The following DPP6 variants were observed in gnomAD, a reference collection of about 807,000 sequenced individuals.
The protein encoded by DPP6 is A-type potassium channel modulatory protein DPP6.
A neutral mutation model predicts 122.6 loss-of-function variants in DPP6; 69 were observed. The ratio of observed to expected loss-of-function variants is 0.56; its 90% confidence interval spans 0.46 to 0.69. The LOEUF is 0.69. Among genes scored for constraint, DPP6 ranks in the 30% least tolerant of loss-of-function variants. DPP6 has a pLI of 0.00. For missense variants in DPP6, 928 were observed against 1,116.9 expected (o/e 0.83, Z 2.41); for synonymous variants, 418 against 433.1 (o/e 0.97, Z 0.43).
At chr7:154,845,950 C>T (rs1189922056) in intron 16 of DPP6, among the ~76,000 whole-genome samples, 2 of 152,012 alleles carry the variant, frequency 1.3e-5, no homozygotes, top group African/African-American at 4.8e-5. Context: ...CATCCCTGCT[C>T]TGTTGGGACC....
chr7:154,661,058 T>C (rs1837637408), intron 6 of DPP6, among the ~76,000 whole-genome samples: 1 of 27,706 alleles, frequency 3.6e-5, no homozygotes, highest in Non-Finnish European at 6.6e-5. Flanking sequence ...CATGGCGTAT[T>C]GGCCGTAGTG....
At chr7:154,562,301 C>A (rs929616895) in intron 4 of DPP6, among the ~76,000 whole-genome samples, 1 of 152,000 alleles carries the variant, frequency 6.6e-6, no homozygotes, top group Non-Finnish European at 1.5e-5. Context: ...AGAAATCAAA[C>A]AATGTAATTT....
intron 17 of DPP6, among the ~76,000 whole-genome samples, chr7:154,866,091 C>A (rs189558357): frequency 2.0e-5 from 3 of 152,144 alleles, no homozygotes; most frequent in African/African-American, 7.2e-5. Flanking sequence ...GAGGAGGTAA[C>A]GCTTGCGTTG....
intron 2 of DPP6, among the ~76,000 whole-genome samples, chr7:154,464,899 A>T (rs1821653083): frequency 6.6e-6 from 1 of 152,236 alleles, no homozygotes; most frequent in Non-Finnish European, 1.5e-5. Context: ...GAAACCATGG[A>T]TAGTGCTGAA....
At chr7:154,139,858 C>T (rs1211421668) in intron 1 of DPP6, among the ~76,000 whole-genome samples, 2 of 152,180 alleles carry the variant, frequency 1.3e-5, no homozygotes, top group Non-Finnish European at 2.9e-5. Flanking sequence ...CAACACATGG[C>T]CCTTTATGCA....
intron 3 of DPP6, among the ~76,000 whole-genome samples, chr7:154,507,970 C>T (rs941371987): frequency 1.3e-5 from 2 of 152,158 alleles, no homozygotes; most frequent in African/African-American, 2.4e-5. Flanking sequence ...CTCTCTCCCC[C>T]ATTCAACTTA....
At chr7:153,944,150 G>C (rs187042631) in intron 1 of DPP6, among the ~76,000 whole-genome samples, 1 of 152,160 alleles carries the variant, frequency 6.6e-6, no homozygotes, top group African/African-American at 2.4e-5. Flanking sequence ...CACGAGCCTC[G>C]TTAGCACGCT....
At chr7:154,528,531 G>A (rs1185214301) in intron 3 of DPP6, among the ~76,000 whole-genome samples, 1 of 152,130 alleles carries the variant, frequency 6.6e-6, no homozygotes, top group Non-Finnish European at 1.5e-5. Flanking sequence ...TTAGACTTAT[G>A]ATAGTATTAA....
chr7:153,847,286 T>G, the DPP6 span, among the ~76,000 whole-genome samples: 1 of 152,216 alleles, frequency 6.6e-6, no homozygotes, highest in Non-Finnish European at 1.5e-5. Flanking sequence ...CTGCTGGGAT[T>G]ATCCCTCTCT....
In DPP6 at chr7:154,893,451, T is replaced by TAAAAAAAAAAA. The variant is rs775016101; in HGVS notation, c.*971_*972insAAAAAAAAAAA. On this transcript the variant is annotated 3_prime_UTR_variant, in exon 26 of 26. Transcript: ENST00000377770. ...CAAGCTCTTTCCCATGACATTTGGT[T>TAAAAAAAAAAA]TAAAAAAAAAAAAAAAAAAAAAAAA... 18 of 61,336 alleles carry TAAAAAAAAAAA rather than the reference T, an allele frequency of 2.9e-4. 2 individuals carry two copies. Among genetic ancestry groups the TAAAAAAAAAAA allele is most frequent in the African/African-American group, 9.1e-4 (18 of 19,888 alleles). 3.8% of individuals were successfully genotyped at this position (61,336 alleles called of 1,614,324 possible). A position where few individuals can be genotyped will look rare whatever the true frequency, so the allele number is the denominator to read the frequency against.
chr7:153,782,548 C>T, the DPP6 span, among the ~76,000 whole-genome samples: 1 of 152,012 alleles, frequency 6.6e-6, no homozygotes, highest in Non-Finnish European at 1.5e-5. Flanking sequence ...GCGTGTGGGC[C>T]CTTTCTGTGT....
rs558129979 is a variant in DPP6 at position 154,013,823 on chromosome 7, G to A, written c.51+126089G>A. On this transcript the variant is annotated intron_variant, in intron 1 of 25. Transcript: ENST00000404039. ...GTGTACAAGGGACAGATTGTCAGCT[G>A]TCATCCAAGTCCCTTTCAAATAACC... Among the ~76,000 whole-genome samples, 29 of 152,094 alleles carry A rather than the reference G, an allele frequency of 1.9e-4. No individual in the cohort carries two copies. The South Asian group carries it at 5.4e-3, about 28-fold the overall frequency.
At chr7:154,140,288 A>G (rs1313438463) in intron 1 of DPP6, among the ~76,000 whole-genome samples, 2 of 152,186 alleles carry the variant, frequency 1.3e-5, no homozygotes, top group African/African-American at 4.8e-5. Flanking sequence ...TCCACACATT[A>G]TGAAAGACAC....
intron 1 of DPP6, among the ~76,000 whole-genome samples, chr7:154,425,819 G>C (rs1344891829): frequency 6.6e-6 from 1 of 151,898 alleles, no homozygotes; most frequent in African/African-American, 2.4e-5. Flanking sequence ...ATTTTTAAAT[G>C]TTTTGTAGAG....
intron 10 of DPP6, among the ~76,000 whole-genome samples, chr7:154,788,662 A>G (rs376930533): frequency 1.7e-4 from 26 of 152,312 alleles, no homozygotes; most frequent in African/African-American, 6.3e-4. Context: ...CTAGCACAAC[A>G]TATTTAGATG....
At chr7:154,865,713 G>T (rs773886487) in intron 17 of DPP6, among the ~76,000 whole-genome samples, 1 of 152,104 alleles carries the variant, frequency 6.6e-6, no homozygotes, top group Non-Finnish European at 1.5e-5. Context: ...AACTCTTACC[G>T]TTCAAGAGAT....
In DPP6 at chr7:153,903,408, C is replaced by A. The variant is rs965132689; in HGVS notation, c.51+15674C>A. Among the ~76,000 whole-genome samples the A allele has an allele frequency of 2.0e-5, 3 of 152,154 alleles. No individual in the cohort carries two copies. The South Asian group carries it at 6.2e-4, about 32-fold the overall frequency. Reference sequence around the variant, plus strand: ...TTTGCCTGCTGCATCTCACAAAGCCCTCTGACAACCCTGGATGAAGGTACT... The same window carrying A: ...TTTGCCTGCTGCATCTCACAAAGCCATCTGACAACCCTGGATGAAGGTACT... On this transcript the variant is annotated intron_variant, in intron 1 of 25. Transcript: ENST00000404039.
At chr7:154,218,793 C>A (rs1282617402) in intron 1 of DPP6, among the ~76,000 whole-genome samples, 3 of 152,204 alleles carry the variant, frequency 2.0e-5, no homozygotes, top group Non-Finnish European at 4.4e-5. Flanking sequence ...TTGTAAATCA[C>A]TTTTCTATTA....
At chr7:154,638,419 G>A (rs1835862045) in intron 6 of DPP6, among the ~76,000 whole-genome samples, 1 of 152,210 alleles carries the variant, frequency 6.6e-6, no homozygotes, top group African/African-American at 2.4e-5. Flanking sequence ...ATCACTCCGA[G>A]GGGGTTTCAG....
Sources: allele counts gnomAD v4.1 joint callset (sites outside exome capture counted in the v4.1 genomes callset), GRCh38; gene constraint gnomAD v4.1.1; transcripts MANE v1.5; gene names NCBI Gene and HGNC (gene_info 2026-07-23, HGNC 2026-07-21).